The following VPS13A variants were observed in gnomAD, a reference collection of about 807,000 sequenced individuals.
VPS13A encodes the protein vacuolar protein sorting 13 homolog A.
VPS13A carries 264 observed loss-of-function variants against 390.9 expected under a neutral mutation model. The ratio of observed to expected loss-of-function variants is 0.68; its 90% CI spans 0.61 to 0.75. VPS13A has a LOEUF of 0.75. VPS13A is among the 30% of genes least tolerant of loss of function. VPS13A has a pLI of 0.00. For missense variants in VPS13A, 3,409 were observed against 3,733.9 expected, an observed-to-expected ratio of 0.91 and a Z score of 2.27; for synonymous variants, 1,231 against 1,227.1, an observed-to-expected ratio of 1.00 and a Z score of -0.07.
intron 63 of VPS13A, 54 bp downstream of exon 63, chr9:77,369,466 A>T (rs1832625796): frequency 8.7e-7 from 1 of 1,150,364 alleles, no homozygotes; most frequent in Non-Finnish European, 1.3e-6. Flanking sequence ...TTTTGAATAG[A>T]TAATACTTTT....
chr9:77,356,104 C>G (rs1374122852), intron 54 of VPS13A, among the ~76,000 whole-genome samples: 2 of 152,100 alleles, frequency 1.3e-5, no homozygotes, highest in East Asian at 1.9e-4. Context: ...ATTATTTGGC[C>G]CCCCACTATA....
At chr9:77,396,703 A>G (rs1172674023) in intron 68 of VPS13A, among the ~76,000 whole-genome samples, 2 of 152,196 alleles carry the variant, frequency 1.3e-5, no homozygotes, top group Non-Finnish European at 2.9e-5. Context: ...ACTCTAAGGA[A>G]GTTATACTTA....
Position 77,399,175 on chromosome 9 carries a change from A to T in VPS13A, c.9190-4061A>T, listed in dbSNP as rs1479620300. On this transcript the variant is annotated intron_variant, in intron 68 of 71. Transcript: ENST00000360280. ...TAAAACTTAGAGTATAATAAAAAAA[A>T]AAAAATAAAAAAAAAAAAAAAAAAA... is the stretch of plus-strand genomic sequence containing the variant. Among the ~76,000 whole-genome samples the T allele has an allele frequency of 9.8e-3, 848 of 86,780 alleles. 1 individual carries two copies. The highest frequency in any genetic ancestry group is 0.03 in the African/African-American group (602 of 19,940). The allele number at this position is 86,780 out of a possible 152,430, so 56.9% of individuals were successfully genotyped here.
chr9:77,373,660 T>C (rs960943452), intron 67 of VPS13A, among the ~76,000 whole-genome samples: 2 of 151,180 alleles, frequency 1.3e-5, no homozygotes, highest in African/African-American at 2.4e-5. Flanking sequence ...CTAAAGAGCT[T>C]CTGCACAGCA....
At chr9:77,212,331 G>A (rs1826017295) in intron 7 of VPS13A, among the ~76,000 whole-genome samples, 1 of 152,012 alleles carries the variant, frequency 6.6e-6, no homozygotes, top group Non-Finnish European at 1.5e-5. Flanking sequence ...GCCTGAATGT[G>A]CCATATATTT....
At chr9:77,185,689 C>T (rs958122551) in intron 1 of VPS13A, among the ~76,000 whole-genome samples, 1 of 152,026 alleles carries the variant, frequency 6.6e-6, no homozygotes, top group Admixed American at 6.6e-5. Flanking sequence ...CTCTTTTGCC[C>T]TCTCTGGTTT....
At chr9:77,323,725 G>A (rs1196626758) in intron 45 of VPS13A, among the ~76,000 whole-genome samples, 7 of 152,018 alleles carry the variant, frequency 4.6e-5, no homozygotes, top group Non-Finnish European at 8.8e-5. Context: ...CCATTCCCAG[G>A]CATCCACTGA....
At chr9:77,189,863 G>T (rs566250813) in intron 1 of VPS13A, among the ~76,000 whole-genome samples, 1 of 152,028 alleles carries the variant, frequency 6.6e-6, no homozygotes, top group East Asian at 1.9e-4. Flanking sequence ...TTTTTGTGGC[G>T]ATTGTGAATG....
chr9:77,227,662 A>G (rs1340507473), intron 16 of VPS13A, among the ~76,000 whole-genome samples, 177 bp downstream of exon 16: 3 of 150,390 alleles, frequency 2.0e-5, no homozygotes, highest in East Asian at 1.9e-4. Flanking sequence ...AGCCACAGGC[A>G]TGCACCCTCA....
At chr9:77,274,535 G>A (rs1378582550) in intron 24 of VPS13A, among the ~76,000 whole-genome samples, 1 of 151,378 alleles carries the variant, frequency 6.6e-6, no homozygotes. Flanking sequence ...AATTTCTAAT[G>A]TGTTTTTTAG....
chr9:77,233,620 A>G (rs919846572), intron 17 of VPS13A, among the ~76,000 whole-genome samples: 8 of 150,874 alleles, frequency 5.3e-5, no homozygotes, highest in East Asian at 3.9e-4. Flanking sequence ...ATCCATTTCA[A>G]CGTATTTTCT....
chr9:77,294,753 G>A (rs971460391), intron 32 of VPS13A, among the ~76,000 whole-genome samples: 2 of 152,120 alleles, frequency 1.3e-5, no homozygotes, highest in Non-Finnish European at 2.9e-5. Flanking sequence ...AGCCCAGACT[G>A]GAGTGCAGTG....
Position 77,339,767 on chromosome 9 carries a change from A to T in VPS13A, c.6630A>T (p.Ala2210=). 6.2e-7 allele frequency: 1 copy of T among 1,614,112 alleles called. No individual in the cohort carries two copies. The highest frequency in any genetic ancestry group is 1.1e-5 in the South Asian group (1 of 91,082). Residue 2210 remains alanine, a synonymous_variant, in exon 48 of 72, where the codon GCA becomes GCT. Transcript: ENST00000360280. ...ACAATACTGGTCAGACAGTTGTGGC[A>T]TTTCATAGTCCTTATTGGATGGTCA... ...MTYNTGQTVV[A]FHSPYWMVNK... is the part of the protein sequence containing the mutation.
intron 20 of VPS13A, among the ~76,000 whole-genome samples, chr9:77,249,201 G>T (rs190447479): frequency 6.6e-6 from 1 of 152,284 alleles, no homozygotes; most frequent in Admixed American, 6.5e-5. Flanking sequence ...ATACGTGCCT[G>T]TCCTTGATAC....
intron 39 of VPS13A, among the ~76,000 whole-genome samples, 190 bp from the exon 40 acceptor site, chr9:77,317,416 G>A (rs983512097): frequency 1.5e-4 from 23 of 151,920 alleles, no homozygotes; most frequent in Non-Finnish European, 2.7e-4. Flanking sequence ...TACTGTGGAA[G>A]AATAGAACAG....
chr9:77,364,329 G>T (rs1346791320), intron 59 of VPS13A, among the ~76,000 whole-genome samples: 1 of 152,070 alleles, frequency 6.6e-6, no homozygotes, highest in Non-Finnish European at 1.5e-5. Flanking sequence ...GGAGGCTGAG[G>T]CAGGAGAATT....
chr9:77,255,806 T>C (rs1319031107), intron 22 of VPS13A, among the ~76,000 whole-genome samples: 1 of 152,094 alleles, frequency 6.6e-6, no homozygotes, highest in Non-Finnish European at 1.5e-5. Context: ...TGTAATTGTC[T>C]CTCTCTTAAC....
chr9:77,337,170 A>T (rs1830583741), intron 46 of VPS13A, 85 bp from the exon 47 acceptor site: 6 of 1,256,688 alleles, frequency 4.8e-6, no homozygotes, highest in Non-Finnish European at 6.6e-6. Flanking sequence ...AAAGGAGGTA[A>T]GTTTGTTATT....
intron 23 of VPS13A, among the ~76,000 whole-genome samples, chr9:77,271,632 A>G (rs1826359141): frequency 6.6e-6 from 1 of 152,186 alleles, no homozygotes; most frequent in Admixed American, 6.5e-5. Flanking sequence ...AGGAAAAAAA[A>G]TACTAATACA....
Sources: allele counts gnomAD v4.1 joint callset (sites outside exome capture counted in the v4.1 genomes callset), GRCh38; gene constraint gnomAD v4.1.1; transcripts MANE v1.5; gene names NCBI Gene and HGNC (gene_info 2026-07-23, HGNC 2026-07-21).